The following CCSER1 variants were observed in gnomAD, a reference collection of about 807,000 sequenced individuals.
CCSER1 encodes the protein coiled-coil serine rich protein 1.
CCSER1 carries 41 observed loss-of-function variants against 82.0 expected under a neutral mutation model. The ratio of observed to expected loss-of-function variants is 0.50; its 90% confidence interval spans 0.39 to 0.65. The LOEUF (loss-of-function observed/expected upper bound fraction) is 0.65. Among genes scored for constraint, CCSER1 ranks in the 30% least tolerant of loss-of-function variants. The pLI, the probability that CCSER1 is intolerant of heterozygous loss-of-function variation, is 0.00. For synonymous variants in CCSER1, 414 were observed against 383.9 expected (o/e 1.08, Z -0.92); for missense variants, 1,119 against 1,064.2 (o/e 1.05, Z -0.72).
rs367637905 is a variant in CCSER1, at chr4:90,906,434, C to A, written c.2095-16936C>A. Among the ~76,000 whole-genome samples the A allele has an allele frequency of 6.4e-4, 98 of 152,038 alleles. 1 individual carries two copies. Among genetic ancestry groups the A allele is most frequent in the African/African-American group, 2.2e-3 (90 of 41,494 alleles). On this transcript the variant is annotated intron_variant, in intron 8 of 10. Transcript: ENST00000509176. Reference sequence around the variant, plus strand: ...TGTCTAGTGATCTTATTCTTGTCTCCCTTATGCTTGTGTTTCTGGAATGCT... The same window carrying A: ...TGTCTAGTGATCTTATTCTTGTCTCACTTATGCTTGTGTTTCTGGAATGCT...
At position 90,766,433 on chromosome 4, in the gene CCSER1, C is replaced by A. The variant is rs754322228; in HGVS notation, c.2010+42442C>A. Among the ~76,000 whole-genome samples, 15 of 152,210 alleles carry A rather than the reference C, an allele frequency of 9.9e-5. 1 individual carries two copies. In the South Asian group the frequency reaches 3.1e-3, roughly 32 times the overall value. Reference sequence around the variant, plus strand: ...AATGCTCACCCAGAAAGCGATCAATCTATTTCATTTTAATATATTATTTAT... The same window carrying A: ...AATGCTCACCCAGAAAGCGATCAATATATTTCATTTTAATATATTATTTAT... On this transcript the variant is annotated intron_variant, in intron 7 of 10. Coordinates refer to ENST00000509176, the MANE Select transcript of CCSER1 (RefSeq NM_001145065.2).
At chr4:90,376,816 C>T (rs935078663) in intron 3 of CCSER1, among the ~76,000 whole-genome samples, 3 of 152,072 alleles carry the variant, frequency 2.0e-5, no homozygotes, top group African/African-American at 7.2e-5. Context: ...ATGGATCTCT[C>T]ATACTTCACT....
chr4:90,803,717 G>A (rs1232314705), intron 7 of CCSER1, among the ~76,000 whole-genome samples: 1 of 152,066 alleles, frequency 6.6e-6, no homozygotes, highest in Admixed American at 6.6e-5. Context: ...AATCCCTTGG[G>A]TATATATCTG....
intron 1 of CCSER1, among the ~76,000 whole-genome samples, chr4:90,177,904 GAAATCCAAAGTGCTCCA>G (rs943347470): frequency 6.6e-6 from 1 of 152,006 alleles, no homozygotes; most frequent in African/African-American, 2.4e-5. Context: ...TCCCTAATCT[GAAATCCAAAGTGCTCCA>G]AAATCCAAAA....
intron 10 of CCSER1, among the ~76,000 whole-genome samples, chr4:91,445,294 G>A (rs1374018623): frequency 6.6e-6 from 1 of 151,532 alleles, no homozygotes; most frequent in African/African-American, 2.4e-5. Flanking sequence ...TTATATGGTG[G>A]TATTGCTATG....
intron 10 of CCSER1, among the ~76,000 whole-genome samples, chr4:91,430,200 A>C (rs1179423416): frequency 6.6e-6 from 1 of 152,166 alleles, no homozygotes; most frequent in Non-Finnish European, 1.5e-5. Context: ...AGCATTCAAA[A>C]GAATAGGGGG....
chr4:90,163,758 T>C (rs1352814792), intron 1 of CCSER1, among the ~76,000 whole-genome samples: 2 of 151,740 alleles, frequency 1.3e-5, no homozygotes, highest in Non-Finnish European at 2.9e-5. Context: ...TCTAACTTTT[T>C]CCAGATTTGC....
rs572214818 is a variant in CCSER1, at chr4:90,848,001, G to C, written c.2094+32156G>C. Reference sequence around the variant, plus strand: ...TAGTATGTGGTAGTCATCATAATTAGATAAGACTGATGTTTCTCATTTTGA... The same window carrying C: ...TAGTATGTGGTAGTCATCATAATTACATAAGACTGATGTTTCTCATTTTGA... On this transcript the variant is annotated intron_variant, in intron 8 of 10. Transcript: ENST00000509176. Among the ~76,000 whole-genome samples the C allele has an allele frequency of 3.9e-5, 6 of 152,266 alleles. No homozygotes were observed. In the East Asian group the frequency reaches 9.7e-4, roughly 25 times the overall value.
At chr4:90,284,113 A>T (rs948062160) in intron 1 of CCSER1, among the ~76,000 whole-genome samples, 1 of 152,070 alleles carries the variant, frequency 6.6e-6, no homozygotes, top group African/African-American at 2.4e-5. Flanking sequence ...GGCCATTTTA[A>T]TGTCTTTTTC....
At chr4:90,983,845 T>C (rs1736346512) in intron 9 of CCSER1, among the ~76,000 whole-genome samples, 1 of 151,786 alleles carries the variant, frequency 6.6e-6, no homozygotes, top group Non-Finnish European at 1.5e-5. Flanking sequence ...ATATCTATTA[T>C]ACTCATTTGC....
chr4:91,483,758 T>C (rs1758073046), intron 10 of CCSER1, among the ~76,000 whole-genome samples: 1 of 152,118 alleles, frequency 6.6e-6, no homozygotes, highest in African/African-American at 2.4e-5. Flanking sequence ...TTATATTCCA[T>C]TTTTATTATA....
chr4:90,760,510 C>A (rs1514740), intron 7 of CCSER1, among the ~76,000 whole-genome samples: 39,472 of 151,624 alleles, frequency 0.26, 5,836 homozygotes, highest in East Asian at 0.34. Context: ...TCCAATAATA[C>A]TATTTATAAT....
At chr4:91,049,877 T>C (rs1173951483) in intron 9 of CCSER1, among the ~76,000 whole-genome samples, 2 of 152,250 alleles carry the variant, frequency 1.3e-5, no homozygotes, top group African/African-American at 4.8e-5. Flanking sequence ...TTGATCATCT[T>C]TGACGGGTAG....
intron 10 of CCSER1, among the ~76,000 whole-genome samples, chr4:91,147,838 A>G (rs1364600869): frequency 6.6e-6 from 1 of 152,240 alleles, no homozygotes; most frequent in Non-Finnish European, 1.5e-5. Flanking sequence ...CACTTAAAAC[A>G]CTGAAAACAT....
chr4:91,116,019 C>T (rs1246210717), intron 10 of CCSER1, among the ~76,000 whole-genome samples: 1 of 151,786 alleles, frequency 6.6e-6, no homozygotes, highest in Non-Finnish European at 1.5e-5. Flanking sequence ...CCCCACCCCA[C>T]AACAGGCCCT....
chr4:90,257,511 A>G (rs1723538521), intron 1 of CCSER1, among the ~76,000 whole-genome samples: 1 of 151,848 alleles, frequency 6.6e-6, no homozygotes, highest in African/African-American at 2.4e-5. Flanking sequence ...GTCCAGAGAG[A>G]GAGAGTGCCA....
intron 10 of CCSER1, among the ~76,000 whole-genome samples, chr4:91,458,778 GTTT>G (rs1202545474): frequency 6.6e-6 from 1 of 151,984 alleles, no homozygotes. Flanking sequence ...AAATGGAATT[GTTT>G]TTTATTTTTC....
At chr4:90,404,828 A>G (rs1225285963) in intron 4 of CCSER1, among the ~76,000 whole-genome samples, 6 of 152,190 alleles carry the variant, frequency 3.9e-5, no homozygotes, top group Non-Finnish European at 7.4e-5. Context: ...TACCACATCA[A>G]GGGAGCACTC....
intron 10 of CCSER1, among the ~76,000 whole-genome samples, chr4:91,151,569 G>C (rs1320982700): frequency 6.6e-6 from 1 of 152,050 alleles, no homozygotes; most frequent in East Asian, 1.9e-4. Flanking sequence ...TGATGTTAGG[G>C]TGTCAATTTT....
Sources: allele counts gnomAD v4.1 joint callset (sites outside exome capture counted in the v4.1 genomes callset), GRCh38; gene constraint gnomAD v4.1.1; transcripts MANE v1.5; gene names NCBI Gene and HGNC (gene_info 2026-07-23, HGNC 2026-07-21).